The following NBEA variants were observed in gnomAD, a reference collection of about 807,000 sequenced individuals.
The protein encoded by NBEA is lysosomal-trafficking regulator 2.
In NBEA, 44 loss-of-function variants were observed where a neutral mutation model predicts 343.4. The observed-to-expected ratio is 0.13, with a 90% CI of 0.10 to 0.16. The LOEUF is 0.16. Among genes scored for constraint, NBEA ranks in the 10% least tolerant of loss-of-function variants. NBEA has a pLI of 1.00. For synonymous variants in NBEA, 1,175 were observed against 1,238.7 expected (o/e 0.95, Z 1.08); for missense variants, 2,555 against 3,631.3 (o/e 0.70, Z 7.62).
intron 40 of NBEA, among the ~76,000 whole-genome samples, chr13:35,461,193 C>G (rs2046883921): frequency 6.6e-6 from 1 of 152,168 alleles, no homozygotes; most frequent in African/African-American, 2.4e-5. Context: ...ATTTACACAA[C>G]AGTAGGCATC....
intron 1 of NBEA, among the ~76,000 whole-genome samples, chr13:34,993,212 T>C (rs1221407564): frequency 1.3e-5 from 2 of 152,336 alleles, no homozygotes; most frequent in East Asian, 3.9e-4. Flanking sequence ...CTCTGGATAC[T>C]TTCTTTTCAT....
intron 46 of NBEA, among the ~76,000 whole-genome samples, chr13:35,588,371 C>A (rs2081376700): frequency 6.6e-6 from 1 of 151,994 alleles, no homozygotes; most frequent in South Asian, 2.1e-4. Context: ...ATAGAAAATG[C>A]ATTAAAATTT....
At chr13:35,413,679 A>G (rs925313985) in intron 38 of NBEA, among the ~76,000 whole-genome samples, 1 of 152,162 alleles carries the variant, frequency 6.6e-6, no homozygotes, top group Non-Finnish European at 1.5e-5. Context: ...TAGTAATATT[A>G]ATTATCATAA....
intron 1 of NBEA, among the ~76,000 whole-genome samples, chr13:34,973,103 A>G (rs1443626286): frequency 6.6e-6 from 1 of 152,030 alleles, no homozygotes; most frequent in African/African-American, 2.4e-5. Context: ...CGGGTTTTCC[A>G]GTACCTACCT....
chr13:35,080,992 C>T (rs544304912), intron 10 of NBEA, among the ~76,000 whole-genome samples: 19 of 152,174 alleles, frequency 1.2e-4, no homozygotes, highest in Non-Finnish European at 2.5e-4. Flanking sequence ...TTCATCATCC[C>T]AAGTTTATCA....
At chr13:35,045,186 T>TA in intron 3 of NBEA, 120 bp from the exon 4 acceptor site, 1 of 1,198,200 alleles carries the variant, frequency 8.3e-7, no homozygotes, top group South Asian at 1.6e-5. Context: ...AAATGTTTTG[T>TA]AAATGATTTA....
intron 1 of NBEA, among the ~76,000 whole-genome samples, chr13:34,987,328 C>T (rs749310718): frequency 7.3e-5 from 11 of 151,054 alleles, no homozygotes; most frequent in Non-Finnish European, 1.3e-4. Flanking sequence ...GGTCTCCAGT[C>T]TCTTCTGGCT....
intron 2 of NBEA, among the ~76,000 whole-genome samples, chr13:35,042,059 T>A (rs182542367): frequency 2.8e-3 from 428 of 152,038 alleles, no homozygotes; most frequent in Non-Finnish European, 4.8e-3. Context: ...ACATTTTGGC[T>A]TATGCATTTC....
chr13:34,959,360 G>C (rs937226984), intron 1 of NBEA, among the ~76,000 whole-genome samples: 9 of 152,042 alleles, frequency 5.9e-5, no homozygotes, highest in Non-Finnish European at 1.0e-4. Flanking sequence ...AGGAAGCTCT[G>C]CTTGGGTGGG....
intron 41 of NBEA, among the ~76,000 whole-genome samples, chr13:35,538,473 A>G (rs1664929805): frequency 6.6e-6 from 1 of 150,398 alleles, no homozygotes; most frequent in Admixed American, 6.7e-5. Context: ...ATACATAAGT[A>G]CATAACAGTA....
chr13:35,275,024 A>G (rs890059599), intron 34 of NBEA, among the ~76,000 whole-genome samples: 2 of 152,224 alleles, frequency 1.3e-5, no homozygotes, highest in East Asian at 3.9e-4. Context: ...TTCATATGGA[A>G]CCAAAAAAGA....
At chr13:35,170,124 A>G (rs955885090) in intron 25 of NBEA, among the ~76,000 whole-genome samples, 2 of 151,758 alleles carry the variant, frequency 1.3e-5, no homozygotes, top group African/African-American at 4.8e-5. Flanking sequence ...CTTTGTGCAC[A>G]AGAAATGTTT....
At chr13:35,128,349 T>C (rs1233361773) in intron 17 of NBEA, among the ~76,000 whole-genome samples, 1 of 151,718 alleles carries the variant, frequency 6.6e-6, no homozygotes, top group Non-Finnish European at 1.5e-5. Context: ...AATGATAAAA[T>C]AGAAACATTC....
At chr13:35,349,063 C>T (rs889108865) in intron 36 of NBEA, 45 bp from the exon 37 acceptor site, 28 of 1,117,774 alleles carry the variant, frequency 2.5e-5, no homozygotes, top group Non-Finnish European at 3.2e-5. Context: ...TTGGACTGAC[C>T]AAAGCTATTA....
intron 1 of NBEA, among the ~76,000 whole-genome samples, chr13:35,021,646 G>A (rs2061843882): frequency 2.0e-5 from 3 of 150,932 alleles, no homozygotes; most frequent in Non-Finnish European, 4.4e-5. Context: ...ATGTTTAATG[G>A]TTTTTCTAGA....
At chr13:35,136,655 TC>T (rs756778175) in intron 17 of NBEA, among the ~76,000 whole-genome samples, 4 of 152,232 alleles carry the variant, frequency 2.6e-5, no homozygotes, top group Non-Finnish European at 5.9e-5. Flanking sequence ...TTGGCTGGCC[TC>T]AGACTTCTCC....
intron 17 of NBEA, among the ~76,000 whole-genome samples, chr13:35,135,144 A>C (rs1343754259): frequency 1.3e-5 from 2 of 151,982 alleles, no homozygotes; most frequent in Non-Finnish European, 2.9e-5. Flanking sequence ...ATCACCAACA[A>C]ACCTATCGTA....
chr13:35,171,976 C>G (rs2070497254), intron 26 of NBEA, among the ~76,000 whole-genome samples: 1 of 151,980 alleles, frequency 6.6e-6, no homozygotes, highest in Admixed American at 6.6e-5. Context: ...ACTGAAACCT[C>G]TTAGTAAATC....
chr13:35,055,989 T>C, intron 6 of NBEA, 21 bp from the exon 7 acceptor site: 12 of 1,554,148 alleles, frequency 7.7e-6, no homozygotes, highest in African/African-American at 1.4e-5. Flanking sequence ...CATATTGATA[T>C]ATTTAATTTT....
Sources: allele counts gnomAD v4.1 joint callset (sites outside exome capture counted in the v4.1 genomes callset), GRCh38; gene constraint gnomAD v4.1.1; transcripts MANE v1.5; gene names NCBI Gene and HGNC (gene_info 2026-07-23, HGNC 2026-07-21).